CDC20: variants seen among roughly 807,000 people sequenced by gnomAD.
CDC20 encodes cell division cycle protein 20 homolog.
A neutral mutation model predicts 60.0 loss-of-function variants in CDC20; 34 were observed. The ratio of observed to expected loss-of-function variants is 0.57; its 90% CI spans 0.43 to 0.75. CDC20 has a LOEUF of 0.75. Ranked by LOEUF, CDC20 falls within the 30% of genes least tolerant of loss-of-function variation. The probability of loss-of-function intolerance (pLI) is 0.00; values close to 1 mark genes in which losing one functional copy is unlikely to be tolerated. For synonymous variants in CDC20, 198 were observed against 243.5 expected, an observed-to-expected ratio of 0.81 and a Z score of 1.74; for missense variants, 469 against 647.3, an observed-to-expected ratio of 0.72 and a Z score of 2.99.
intron 7 of CDC20, 63 bp from the exon 8 acceptor site, chr1:43,360,670 C>A: frequency 1.3e-6 from 2 of 1,574,056 alleles, no homozygotes; most frequent in South Asian, 2.2e-5. Context: ...TGAACTGAAC[C>A]AGCTCTGGCT....
rs963433918 is a variant in CDC20 at position 43,360,787 on chromosome 1, T to C, written c.903T>C (p.His301=). Residue 301 remains histidine (H), a synonymous_variant, in exon 8 of 11, where the codon CAT becomes CAC. Coordinates refer to ENST00000310955, the MANE Select transcript of CDC20 (RefSeq NM_001255.3). ...ATGATGTTCGGGTAGCAGAACACCA[T>C]GTGGCCACACTGAGTGGCCACAGCC... The part of the protein sequence containing the change: ...HHHDVRVAEH[H]VATLSGHSQE... 1 of 1,614,102 alleles carries C rather than the reference T, an allele frequency of 6.2e-7. No homozygotes were observed. The highest frequency in any genetic ancestry group is 8.5e-7 in the Non-Finnish European group (1 of 1,180,040).
In CDC20 at chr1:43,361,132, T is replaced by A; in HGVS notation, c.1090T>A (p.Cys364Ser). The A allele has an allele frequency of 6.2e-7, 1 of 1,614,084 alleles. No individual in the cohort carries two copies. Among genetic ancestry groups the A allele is most frequent in the South Asian group, 1.1e-5 (1 of 91,072 alleles). The change falls in exon 9 of 11, where the codon TGT (cysteine) becomes AGT (serine). Residue 364 changes from cysteine to serine, a missense_variant. Transcript: ENST00000310955. ...HQGAVKAVAW[C>S]PWQSNVLATG... ...TTATTCCATCTAGGCCGTAGCATGGTGTCCCTGGCAGTCCAATGTCCTGGC... is the reference window on the plus strand; with the variant it reads ...TTATTCCATCTAGGCCGTAGCATGGAGTCCCTGGCAGTCCAATGTCCTGGC...
chr1:43,362,287 C>T lies in CDC20; in HGVS notation c.1296C>T (p.Thr432=). Reference sequence around the variant, plus strand: ...AGCTAGTTATTTGGAAGTACCCAACCATGGCCAAGGTGGCTGAACTCAAAG... The same window carrying T: ...AGCTAGTTATTTGGAAGTACCCAACTATGGCCAAGGTGGCTGAACTCAAAG... ...QNQLVIWKYP[T]MAKVAELKGH... Residue 432 remains threonine, a synonymous_variant, in exon 10 of 11, where the codon ACC becomes ACT. Transcript: ENST00000310955. 6.3e-7 allele frequency: 1 copy of T among 1,581,196 alleles called. No individual in the cohort carries two copies.
At chr1:43,361,470 T>G (rs1647172389) in intron 9 of CDC20, among the ~76,000 whole-genome samples, 1 of 152,190 alleles carries the variant, frequency 6.6e-6, no homozygotes, top group Non-Finnish European at 1.5e-5. Flanking sequence ...TCCCCTTGCC[T>G]CCCTGAAATG....
chr1:43,362,937 C>T lies in CDC20; in HGVS notation c.1322-14C>T. 2.5e-6 allele frequency: 4 copies of T among 1,578,526 alleles called. No homozygotes were observed. The highest frequency in any genetic ancestry group is 1.7e-6 in the Non-Finnish European group (2 of 1,165,558). The stretch of plus-strand genomic sequence containing the variant: ...TGCATCAGCATTCGTATGTACTGTT[C>T]TCATTTGCTCCAGGTCACACATCCC... On this transcript the variant is annotated splice_polypyrimidine_tract_variant and intron_variant, in intron 10 of 10. Coordinates refer to ENST00000310955, the MANE Select transcript of CDC20 (RefSeq NM_001255.3).
Position 43,359,015 on chromosome 1 carries a change from TG to T in CDC20, c.-50+11del, listed in dbSNP as rs1647155771. ...CTGCTCCGGAGGGCACGGTGAGAGG[TG>T]GTGGGGCTGAGCCGAGGTGGGGCCG... is the stretch of plus-strand genomic sequence containing the variant. On this transcript the variant is annotated intron_variant, in intron 1 of 10. Coordinates refer to ENST00000310955, the MANE Select transcript of CDC20 (RefSeq NM_001255.3). The T allele has an allele frequency of 1.6e-6, 1 of 611,522 alleles. No individual in the cohort carries two copies. The highest frequency in any genetic ancestry group is 1.9e-5 in the African/African-American group (1 of 53,878). The allele number at this position is 611,522 out of a possible 1,614,324, so 37.9% of individuals were successfully genotyped here.
Position 43,363,167 on chromosome 1 carries a change from A to G in CDC20, c.*38A>G, listed in dbSNP as rs374399185. 76 of 1,575,528 alleles carry G rather than the reference A, an allele frequency of 4.8e-5. No individual in the cohort carries two copies. Among genetic ancestry groups the G allele is most frequent in the Non-Finnish European group, 6.2e-5 (72 of 1,156,390 alleles). On this transcript the variant is annotated 3_prime_UTR_variant, in exon 11 of 11. Transcript: ENST00000310955. ...CACCTCAGTTGTTTTTTATTTTTCTAATAAAGTCATGTCTCCCTTCATGTT... is the reference window on the plus strand; with the variant it reads ...CACCTCAGTTGTTTTTTATTTTTCTGATAAAGTCATGTCTCCCTTCATGTT...
chr1:43,360,655 A>T (rs1647168818), intron 7 of CDC20, 62 bp downstream of exon 7: 4 of 1,565,024 alleles, frequency 2.6e-6, no homozygotes, highest in Non-Finnish European at 3.5e-6. Context: ...TTGACTGTAC[A>T]CCCCTGAACT....
rs1647179531 is a variant in CDC20 at position 43,362,934 on chromosome 1, G to A, written c.1322-17G>A. ...GGCTGCATCAGCATTCGTATGTACT[G>A]TTCTCATTTGCTCCAGGTCACACAT... On this transcript the variant is annotated splice_polypyrimidine_tract_variant and intron_variant, in intron 10 of 10. Coordinates refer to ENST00000310955, the MANE Select transcript of CDC20 (RefSeq NM_001255.3). 1 of 1,576,834 alleles carries A rather than the reference G, an allele frequency of 6.3e-7. No homozygotes were observed. The highest frequency in any genetic ancestry group is 8.6e-7 in the Non-Finnish European group (1 of 1,164,366).
In CDC20 at chr1:43,359,813, CG is replaced by C; in HGVS notation, c.420del (p.Pro141GlnfsTer8). The C allele has an allele frequency of 1.2e-6, 2 of 1,613,806 alleles. No individual in the cohort carries two copies. Among genetic ancestry groups the C allele is most frequent in the Non-Finnish European group, 1.7e-6 (2 of 1,179,944 alleles). ...ILRLSGKPQN[A>X]PEGYQNRLKV... ...CGGCTCAGTGGAAAACCACAAAATG[CG>C]CCAGAGGGTAAGACCCGAAGTTCCT... On this transcript the variant is annotated frameshift_variant, in exon 4 of 11. Transcript: ENST00000310955. LOFTEE classifies it high-confidence loss of function.
chr1:43,359,728 C>T lies in CDC20; in HGVS notation c.334C>T (p.His112Tyr). Residue 112 changes from histidine to tyrosine, a missense_variant, in exon 4 of 11, where the codon CAT becomes TAT. Around this residue, in one of 5 missense-constraint regions of CDC20, gnomAD observed 115 missense variants for 156.1 expected, o/e 0.74. Transcript: ENST00000310955. ...ENSQTPTKKE[H>Y]QKAWALNLNG... ...CCTTCACTACCCTTTATGCCAGGAA[C>T]ATCAGAAAGCCTGGGCTTTGAACCT... The T allele has an allele frequency of 6.2e-7, 1 of 1,613,870 alleles. No individual in the cohort carries two copies. The highest frequency in any genetic ancestry group is 1.3e-5 in the African/African-American group (1 of 75,020).
chr1:43,359,379 C>G lies in CDC20; in HGVS notation c.164C>G (p.Thr55Ser), dbSNP rs1221886479. Reference protein sequence around the residue: ...AANRSHSAGRTPGRTPGKSSS... With the variant: ...AANRSHSAGRSPGRTPGKSSS... ...AACCGATCCCACAGCGCCGGCAGGA[C>G]TCCGGGCCGAACTCCTGGTCAGTGA... is the stretch of plus-strand genomic sequence containing the variant. Residue 55 changes from threonine to serine, a missense_variant, in exon 2 of 11, where the codon ACT becomes AGT. Physicochemically the swap from Thr to Ser is moderately conservative, Grantham distance 58 (BLOSUM62 1). Coordinates refer to ENST00000310955, the MANE Select transcript of CDC20 (RefSeq NM_001255.3). 1 of 1,612,746 alleles carries G rather than the reference C, an allele frequency of 6.2e-7. No individual in the cohort carries two copies. The highest frequency in any genetic ancestry group is 8.5e-7 in the Non-Finnish European group (1 of 1,179,568).
At chr1:43,362,447 A>T (rs960962840) in intron 10 of CDC20, 135 bp downstream of exon 10, 8 of 609,760 alleles carry the variant, frequency 1.3e-5, no homozygotes, top group Admixed American at 5.8e-5. Context: ...AAATGTTGAA[A>T]ATGTCTTAGA....
intron 10 of CDC20, among the ~76,000 whole-genome samples, 176 bp downstream of exon 10, chr1:43,362,488 A>C (rs1182138354): frequency 6.6e-6 from 1 of 152,220 alleles, no homozygotes; most frequent in African/African-American, 2.4e-5. Context: ...AATTTTGTGA[A>C]TATACTAAAA....
Position 43,359,566 on chromosome 1 carries a change from C to G in CDC20, c.258C>G (p.Ala86=). The G allele has an allele frequency of 3.7e-6, 6 of 1,614,034 alleles. No individual in the cohort carries two copies. Among genetic ancestry groups the G allele is most frequent in the Non-Finnish European group, 5.1e-6 (6 of 1,180,026 alleles). Residue 86 remains alanine (A), a synonymous_variant, in exon 3 of 11, where the codon GCC becomes GCG. Coordinates refer to ENST00000310955, the MANE Select transcript of CDC20 (RefSeq NM_001255.3). ...GCTATATCCCCCATCGCAGTGCTGC[C>G]CAGATGGAGGTGGCCAGCTTCCTCC... The part of the protein sequence containing the change: ...GDRYIPHRSA[A]QMEVASFLLS...
In CDC20 at chr1:43,360,282, A is replaced by G; in HGVS notation, c.646A>G (p.Ile216Val). 1 of 1,614,230 alleles carries G rather than the reference A, an allele frequency of 6.2e-7. No individual in the cohort carries two copies. Among genetic ancestry groups the G allele is most frequent in the South Asian group, 1.1e-5 (1 of 91,088 alleles). Reference sequence around the variant, plus strand: ...CCTGTGGAGTGCAAGCTCTGGTGACATCCTGCAGCTTTTGCAAATGGAGCA... The same window carrying G: ...CCTGTGGAGTGCAAGCTCTGGTGACGTCCTGCAGCTTTTGCAAATGGAGCA... ...VYLWSASSGD[I>V]LQLLQMEQPG... is the part of the protein sequence containing the mutation. Residue 216 changes from isoleucine to valine, a missense_variant, in exon 6 of 11, where the codon ATC (isoleucine) becomes GTC (valine). Ile to Val is a conservative substitution (Grantham distance 29). Coordinates refer to ENST00000310955, the MANE Select transcript of CDC20 (RefSeq NM_001255.3).
chr1:43,359,706 TCAC>T lies in CDC20; in HGVS notation c.331-18_331-16del. On this transcript the variant is annotated splice_polypyrimidine_tract_variant and intron_variant, in intron 3 of 10. Coordinates refer to ENST00000310955, the MANE Select transcript of CDC20 (RefSeq NM_001255.3). ...CTTTGGATAATACCATCTTGCTCCT[TCAC>T]TACCCTTTATGCCAGGAACATCAGA... 6.2e-7 allele frequency: 1 copy of T among 1,613,822 alleles called. No individual in the cohort carries two copies. Among genetic ancestry groups the T allele is most frequent in the African/African-American group, 1.3e-5 (1 of 74,976 alleles).
In CDC20 at chr1:43,362,248, C is replaced by T; in HGVS notation, c.1257C>T (p.Gly419=). The change falls in exon 10 of 11, where the codon GGC becomes GGT. Residue 419 remains glycine (G), a synonymous_variant. Coordinates refer to ENST00000310955, the MANE Select transcript of CDC20 (RefSeq NM_001255.3). ...ACAAGGAGCTCATCTCAGGCCATGG[C>T]TTTGCACAGAACCAGCTAGTTATTT... ...PHYKELISGH[G]FAQNQLVIWK... 1 of 1,612,710 alleles carries T rather than the reference C, an allele frequency of 6.2e-7. No homozygotes were observed. The highest frequency in any genetic ancestry group is 8.5e-7 in the Non-Finnish European group (1 of 1,178,658).
chr1:43,361,363 C>G (rs1466021149), intron 9 of CDC20, 118 bp downstream of exon 9: 28 of 974,968 alleles, frequency 2.9e-5, no homozygotes, highest in Middle Eastern at 2.1e-4. Context: ...ACTCAGCTCT[C>G]ACTCATGAGC....
Sources: gnomAD v4.1 joint callset for allele counts (sites outside exome capture counted in the v4.1 genomes callset) on GRCh38, gnomAD v4.1.1 for gene constraint, gnomAD v4.1.1 regional missense constraint, MANE v1.5 for transcripts, NCBI Gene and HGNC (gene_info 2026-07-23, HGNC 2026-07-21) for gene names.